SETX: variants seen among roughly 807,000 people sequenced by gnomAD.
SETX encodes the protein helicase senataxin.
A neutral mutation model predicts 227.2 loss-of-function variants in SETX; 90 were observed. The observed-to-expected ratio is 0.40, with a 90% confidence interval of 0.33 to 0.47. SETX has a LOEUF of 0.47. Among genes scored for constraint, SETX ranks in the 20% least tolerant of loss-of-function variants. SETX has a pLI of 0.91. For synonymous variants in SETX, 1,210 were observed against 1,113.2 expected (o/e 1.09, Z -1.73); for missense variants, 3,052 against 3,181.5 (o/e 0.96, Z 0.98).
intron 15 of SETX, among the ~76,000 whole-genome samples, chr9:132,291,952 G>A (rs988700567): frequency 3.3e-5 from 5 of 152,000 alleles, no homozygotes; most frequent in African/African-American, 4.8e-5. Context: ...GCTGGGCCAG[G>A]AAAAATGATT....
chr9:132,281,375 G>T, intron 20 of SETX, 92 bp downstream of exon 20: 1 of 840,400 alleles, frequency 1.2e-6, no homozygotes, highest in Non-Finnish European at 2.0e-6. Context: ...CAAATTAAGA[G>T]GCCAATCCAA....
Position 132,307,748 on chromosome 9 carries a change from G to A in SETX, c.5374+4009C>T, listed in dbSNP as rs891430157. Among the ~76,000 whole-genome samples, 11 of 148,780 alleles carry A rather than the reference G, an allele frequency of 7.4e-5. No homozygotes were observed. In the East Asian group the frequency reaches 9.9e-4, roughly 13 times the overall value. On this transcript the variant is annotated intron_variant, in intron 11 of 25. Transcript: ENST00000224140. The stretch of plus-strand genomic sequence containing the variant: ...GGCTGGAGTGCAGTGGCACGATCTC[G>A]GCTCACTGCAACCTCCGCCTCCAGG...
At chr9:132,334,851 T>A in intron 6 of SETX, 124 bp from the exon 7 acceptor site, 3 of 1,041,382 alleles carry the variant, frequency 2.9e-6, no homozygotes, top group Non-Finnish European at 1.5e-6. Context: ...TCTCAAACAT[T>A]TAAGTCTCAG....
chr9:132,298,354 AATAATGCTGCCT>A, intron 12 of SETX, 42 bp from the exon 13 acceptor site: 4 of 1,465,850 alleles, frequency 2.7e-6, no homozygotes, highest in Non-Finnish European at 3.8e-6. Flanking sequence ...GTTATCACTG[AATAATGCTGCCT>A]AGTTGTAAAG....
chr9:132,300,848 T>C, intron 11 of SETX, 45 bp from the exon 12 acceptor site: 2 of 1,509,358 alleles, frequency 1.3e-6, no homozygotes, highest in South Asian at 1.2e-5. Flanking sequence ...TCTAATAGAA[T>C]TATTTTAAAT....
rs201395158 is a variant in SETX at position 132,286,379 on chromosome 9, G to GAAAA, written c.6396+40_6396+43dup. The GAAAA allele has an allele frequency of 1.6e-5, 19 of 1,166,398 alleles. No individual in the cohort carries two copies. The East Asian group carries it at 4.6e-4, about 28-fold the overall frequency. The allele number at this position is 1,166,398 out of a possible 1,614,324, so 72.3% of individuals were successfully genotyped here. A position where few individuals can be genotyped will look rare whatever the true frequency, so the allele number is the denominator to read the frequency against. On this transcript the variant is annotated intron_variant, in intron 18 of 25. Transcript: ENST00000224140. Reference sequence around the variant, plus strand: ...AACAGTCATACTTAAATTTTAAAAAGAAAAAAAAAAAAATCAAGAAAATGC... The same window carrying GAAAA: ...AACAGTCATACTTAAATTTTAAAAAGAAAAAAAAAAAAAAAAATCAAGAAAATGC...
At chr9:132,349,810 A>G (rs1413911218) in intron 2 of SETX, among the ~76,000 whole-genome samples, 1 of 152,206 alleles carries the variant, frequency 6.6e-6, no homozygotes, top group African/African-American at 2.4e-5. Context: ...TACAAACTTA[A>G]GTTCATTTCA....
chr9:132,353,444 G>A (rs1848706523), intron 2 of SETX, among the ~76,000 whole-genome samples: 1 of 151,922 alleles, frequency 6.6e-6, no homozygotes, highest in Non-Finnish European at 1.5e-5. Flanking sequence ...ACTAAGATTC[G>A]AAGAGAAAGC....
chr9:132,336,443 C>G lies in SETX; in HGVS notation c.571G>C (p.Glu191Gln). The G allele has an allele frequency of 6.2e-7, 1 of 1,614,064 alleles. No individual in the cohort carries two copies. ...ACTTTAAAAAGGCAAAGTAAAACTTCTTGTAAGTCATAATAATCATCTCTG... is the reference window on the plus strand; with the variant it reads ...ACTTTAAAAAGGCAAAGTAAAACTTGTTGTAAGTCATAATAATCATCTCTG... ...VDRDDYYDLQ[E>Q]VLLCLFKVIE... The change falls in exon 6 of 26, where the codon GAA (glutamate) becomes CAA (glutamine). Residue 191 changes from glutamate to glutamine, a missense_variant. Around this residue, in one of 10 missense-constraint regions of SETX, gnomAD observed 239 missense variants for 240.8 expected, o/e 0.99. Transcript: ENST00000224140.
In SETX at chr9:132,327,648, A is replaced by G. The variant is rs1564539968; in HGVS notation, c.3950T>C (p.Val1317Ala). Residue 1317 changes from valine to alanine, a missense_variant, in exon 10 of 26, where the codon GTT becomes GCT. Val to Ala is a moderately conservative substitution (Grantham distance 64, BLOSUM62 0). Transcript: ENST00000224140. The part of the protein sequence containing the change: ...VAQLRDHGKT[V>A]GVVDTRKKTK... ...CTTTTTTCGGGTATCAACTACTCCA[A>G]CAGTTTTGCCATGATCACGTAATTG... 5 of 1,613,954 alleles carry G rather than the reference A, an allele frequency of 3.1e-6. No individual in the cohort carries two copies. The highest frequency in any genetic ancestry group is 2.7e-5 in the African/African-American group (2 of 74,966).
At chr9:132,347,996 T>C (rs1691610701) in intron 3 of SETX, among the ~76,000 whole-genome samples, 1 of 151,770 alleles carries the variant, frequency 6.6e-6, no homozygotes, top group African/African-American at 2.4e-5. Flanking sequence ...AAAATATGCT[T>C]GCCCTTAAAG....
intron 3 of SETX, 141 bp from the exon 4 acceptor site, chr9:132,346,612 A>G: frequency 1.5e-6 from 1 of 683,640 alleles, no homozygotes; most frequent in South Asian, 1.7e-5. Context: ...AGATTTAAAG[A>G]AAACTATTCA....
intron 6 of SETX, 87 bp from the exon 7 acceptor site, chr9:132,334,814 G>T: frequency 1.4e-6 from 2 of 1,411,912 alleles, no homozygotes; most frequent in South Asian, 1.2e-5. Flanking sequence ...AACAAGGCAG[G>T]AAGATGAAGC....
intron 24 of SETX, 72 bp from the exon 25 acceptor site, chr9:132,269,774 T>G: frequency 6.8e-7 from 1 of 1,472,826 alleles, no homozygotes; most frequent in East Asian, 2.3e-5. Flanking sequence ...AAAGGTGGAC[T>G]CTAGAATGAC....
chr9:132,269,750 T>C (rs199599447), intron 24 of SETX, 48 bp from the exon 25 acceptor site: 3 of 1,580,418 alleles, frequency 1.9e-6, no homozygotes, highest in Admixed American at 3.3e-5. Context: ...TGACTTAACA[T>C]GCCCATGTGA....
intron 5 of SETX, 132 bp downstream of exon 5, chr9:132,342,558 T>C (rs1186427503): frequency 7.6e-6 from 6 of 793,360 alleles, no homozygotes; most frequent in Non-Finnish European, 1.1e-5. Flanking sequence ...TCTACTTAAC[T>C]GTAGTAAATT....
chr9:132,313,816 G>A (rs1163343051), intron 10 of SETX, among the ~76,000 whole-genome samples: 1 of 150,760 alleles, frequency 6.6e-6, no homozygotes. Flanking sequence ...TTCAAAAGGT[G>A]TCAGCTGCTG....
At chr9:132,300,528 G>A (rs769610423) in intron 12 of SETX, 102 bp downstream of exon 12, 38 of 1,303,236 alleles carry the variant, frequency 2.9e-5, no homozygotes, top group South Asian at 1.1e-4. Context: ...AAACATGTTC[G>A]GTAAATGTCT....
At chr9:132,320,385 C>A (rs1441679693) in intron 10 of SETX, among the ~76,000 whole-genome samples, 1 of 152,054 alleles carries the variant, frequency 6.6e-6, no homozygotes, top group Non-Finnish European at 1.5e-5. Context: ...ACCATCCTGG[C>A]TAACACAGTG....
Sources: allele counts gnomAD v4.1 joint callset (sites outside exome capture counted in the v4.1 genomes callset), GRCh38; gene constraint gnomAD v4.1.1; regional missense constraint gnomAD v4.1.1; transcripts MANE v1.5; gene names NCBI Gene and HGNC (gene_info 2026-07-23, HGNC 2026-07-21).